PIBF1: variants seen among roughly 807,000 people sequenced by gnomAD.
PIBF1 encodes the protein progesterone immunomodulatory binding factor 1.
A neutral mutation model predicts 112.5 loss-of-function variants in PIBF1; 90 were observed. The ratio of observed to expected loss-of-function variants is 0.80; its 90% CI spans 0.67 to 0.95. The LOEUF (loss-of-function observed/expected upper bound fraction) is 0.95. Ranked by LOEUF, PIBF1 falls within the 40% of genes least tolerant of loss-of-function variation. The pLI is 0.00. For synonymous variants in PIBF1, 301 were observed against 288.6 expected (o/e 1.04, Z -0.44); for missense variants, 915 against 852.3 (o/e 1.07, Z -0.92).
rs545903157 is a variant in PIBF1, at chr13:72,802,408, G to A, written c.672+4382G>A. Among the ~76,000 whole-genome samples the A allele has an allele frequency of 1.3e-4, 20 of 152,286 alleles. No individual in the cohort carries two copies. In the South Asian group the frequency reaches 4.1e-3, roughly 32 times the overall value. On this transcript the variant is annotated intron_variant, in intron 5 of 17. Transcript: ENST00000326291. ...AAACAAAGAGACTTGTTAAGAGGCTGTTGTAATCTAGGGGAGAGATTATTG... is the reference window on the plus strand; with the variant it reads ...AAACAAAGAGACTTGTTAAGAGGCTATTGTAATCTAGGGGAGAGATTATTG...
chr13:72,824,970 A>G (rs892274590), intron 6 of PIBF1, among the ~76,000 whole-genome samples: 3 of 152,194 alleles, frequency 2.0e-5, no homozygotes, highest in Admixed American at 1.3e-4. Flanking sequence ...TCTAATAATG[A>G]AGAAACTTCA....
chr13:72,990,266 T>C (rs2043431821), intron 16 of PIBF1, among the ~76,000 whole-genome samples: 1 of 143,218 alleles, frequency 7.0e-6, no homozygotes, highest in Admixed American at 7.0e-5. Flanking sequence ...ACGCCTGTAA[T>C]CCCAGCACTT....
chr13:72,836,184 T>C (rs2037354183), intron 9 of PIBF1: 1 of 424,222 alleles, frequency 2.4e-6, no homozygotes, highest in Non-Finnish European at 4.7e-6. Flanking sequence ...TAGTTAGTGA[T>C]TGGCAGAATT....
At chr13:72,827,674 C>A in intron 7 of PIBF1, 59 bp from the exon 8 acceptor site, 1 of 1,032,940 alleles carries the variant, frequency 9.7e-7, no homozygotes, top group Non-Finnish European at 1.3e-6. Flanking sequence ...TTAATACAGT[C>A]AAGCTTGAAA....
chr13:72,840,777 C>G (rs1031435546), intron 9 of PIBF1, among the ~76,000 whole-genome samples: 1 of 152,142 alleles, frequency 6.6e-6, no homozygotes, highest in African/African-American at 2.4e-5. Context: ...CTGCCTGCCT[C>G]GGCCTCCCAA....
At chr13:72,810,251 T>C (rs1288678275) in intron 5 of PIBF1, among the ~76,000 whole-genome samples, 1 of 152,210 alleles carries the variant, frequency 6.6e-6, no homozygotes, top group Admixed American at 6.5e-5. Context: ...TATATGTTGC[T>C]GTTTTGCTAT....
chr13:73,015,203 G>A (rs947888098), intron 17 of PIBF1, among the ~76,000 whole-genome samples: 4 of 152,108 alleles, frequency 2.6e-5, no homozygotes, highest in African/African-American at 9.7e-5. Flanking sequence ...TGTTGCCCAG[G>A]CTAGTCTCGA....
At chr13:72,946,560 T>C (rs934984456) in intron 14 of PIBF1, among the ~76,000 whole-genome samples, 1 of 152,188 alleles carries the variant, frequency 6.6e-6, no homozygotes, top group Non-Finnish European at 1.5e-5. Context: ...CAAAGTCTTA[T>C]CTGAGACAAG....
rs71099771 is a variant in PIBF1, at chr13:72,949,300, CTTTTTTTTTTTTTTTTT to C, written c.1834-15957_1834-15941del. ...AACTACTACCTAGACAAATAGCTGT[CTTTTTTTTTTTTTTTTT>C]TTTTTTTTTTTTTTTTGAGACAGAG... is the stretch of plus-strand genomic sequence containing the variant. On this transcript the variant is annotated intron_variant, in intron 14 of 17. Coordinates refer to ENST00000326291, the MANE Select transcript of PIBF1 (RefSeq NM_006346.4). Among the ~76,000 whole-genome samples the C allele has an allele frequency of 9.1e-5, 5 of 54,954 alleles. 1 individual carries two copies. The highest frequency in any genetic ancestry group is 2.9e-4 in the African/African-American group (4 of 13,976). 36.1% of individuals were successfully genotyped at this position (54,954 alleles called of 152,430 possible).
intron 6 of PIBF1, among the ~76,000 whole-genome samples, chr13:72,822,634 G>A (rs573860072): frequency 2.0e-5 from 3 of 152,278 alleles, no homozygotes; most frequent in African/African-American, 4.8e-5. Context: ...TAAATGGAAT[G>A]ACCTTATCTT....
intron 13 of PIBF1, among the ~76,000 whole-genome samples, chr13:72,927,231 C>T (rs147815005): frequency 9.6e-4 from 146 of 152,006 alleles, no homozygotes; most frequent in African/African-American, 3.0e-3. Context: ...ACTGTCCGGG[C>T]GTGGTGGCTC....
intron 17 of PIBF1, among the ~76,000 whole-genome samples, chr13:73,004,068 A>G (rs2043955940): frequency 6.6e-6 from 1 of 152,210 alleles, no homozygotes; most frequent in Admixed American, 6.5e-5. Flanking sequence ...CAGAGAAAGA[A>G]TAGACACTGT....
intron 10 of PIBF1, among the ~76,000 whole-genome samples, chr13:72,877,753 CTTT>C (rs569331110): frequency 7.1e-6 from 1 of 139,976 alleles, no homozygotes; most frequent in Admixed American, 7.2e-5. Context: ...CTTTTCTTTT[CTTT>C]TTTTTTTTTT....
chr13:72,957,346 G>T lies in PIBF1; in HGVS notation c.1834-7928G>T, dbSNP rs180898793. Among the ~76,000 whole-genome samples the T allele has an allele frequency of 1.3e-3, 199 of 152,272 alleles. 1 individual carries two copies. The highest frequency in any genetic ancestry group is 2.3e-3 in the Non-Finnish European group (154 of 68,018). ...ATATTACTCAGCCATAAAAAGGAAT[G>T]AAATAACGGCATTCACACAACCTGG... On this transcript the variant is annotated intron_variant, in intron 14 of 17. Coordinates refer to ENST00000326291, the MANE Select transcript of PIBF1 (RefSeq NM_006346.4).
intron 16 of PIBF1, among the ~76,000 whole-genome samples, chr13:72,976,632 A>G (rs1292082948): frequency 3.3e-5 from 5 of 152,234 alleles, no homozygotes; most frequent in Non-Finnish European, 7.3e-5. Flanking sequence ...TAATGTTATT[A>G]ATCATTTTCT....
At chr13:72,822,476 A>G (rs1189636006) in intron 6 of PIBF1, among the ~76,000 whole-genome samples, 1 of 152,156 alleles carries the variant, frequency 6.6e-6, no homozygotes, top group East Asian at 1.9e-4. Context: ...GCTGCTACTT[A>G]GCTGTATGTC....
chr13:72,855,109 G>A (rs573929622), intron 10 of PIBF1, among the ~76,000 whole-genome samples: 2 of 151,866 alleles, frequency 1.3e-5, no homozygotes, highest in African/African-American at 4.8e-5. Flanking sequence ...TCTGCGTACC[G>A]TTCACATACT....
chr13:72,883,818 G>A (rs1443725120), intron 10 of PIBF1, among the ~76,000 whole-genome samples: 1 of 152,146 alleles, frequency 6.6e-6, no homozygotes, highest in African/African-American at 2.4e-5. Flanking sequence ...ACTAGACCAG[G>A]TGTGGTGGAT....
intron 10 of PIBF1, among the ~76,000 whole-genome samples, chr13:72,858,023 T>TTGCTTTTTTTGTGTGTG (rs71099760): frequency 7.1e-6 from 1 of 141,224 alleles, no homozygotes; most frequent in South Asian, 2.5e-4. Flanking sequence ...CAAATGTACA[T>TTGCTTTTTTTGTGTGTG]TGTGTGTGTG....
Sources: gnomAD v4.1 joint callset for allele counts (sites outside exome capture counted in the v4.1 genomes callset) on GRCh38, gnomAD v4.1.1 for gene constraint, MANE v1.5 for transcripts, NCBI Gene and HGNC (gene_info 2026-07-23, HGNC 2026-07-21) for gene names.